The following LMF1 variants were observed in gnomAD, a reference collection of about 807,000 sequenced individuals.
The protein encoded by LMF1 is lipase maturation factor 1.
In LMF1, 68 loss-of-function variants were observed where a neutral mutation model predicts 60.6. The observed-to-expected ratio is 1.12, with a 90% CI of 0.92 to 1.37. LMF1 has a LOEUF of 1.37. LMF1 is among the 40% of genes most tolerant of loss of function. The pLI, the probability that LMF1 is intolerant of heterozygous loss-of-function variation, is 0.00. For missense variants in LMF1, 948 were observed against 767.2 expected (o/e 1.24, Z -2.78); for synonymous variants, 418 against 324.7 (o/e 1.29, Z -3.09).
At chr16:885,710 G>C (rs1390730862) in intron 5 of LMF1, among the ~76,000 whole-genome samples, 2 of 152,204 alleles carry the variant, frequency 1.3e-5, no homozygotes, top group Non-Finnish European at 2.9e-5. Flanking sequence ...TGATAATAGA[G>C]CTTCAAAAGA....
chr16:880,254 G>T (rs1364317428), intron 5 of LMF1, among the ~76,000 whole-genome samples: 1 of 152,138 alleles, frequency 6.6e-6, no homozygotes, highest in Non-Finnish European at 1.5e-5. Context: ...GGCTCTAAGC[G>T]CAAGACCTGG....
intron 3 of LMF1, among the ~76,000 whole-genome samples, chr16:914,811 C>G (rs2071235121): frequency 1.3e-5 from 2 of 151,022 alleles, no homozygotes; most frequent in African/African-American, 4.9e-5. Context: ...CCCTCCCTCC[C>G]TTCCCATGAC....
Position 976,391 on chromosome 16 carries a change from C to T in LMF1, c.-135+4754G>A, listed in dbSNP as rs12596672. 5 of 454,000 alleles carry T rather than the reference C, an allele frequency of 1.1e-5. No homozygotes were observed. The East Asian group carries it at 2.1e-4, about 19-fold the overall frequency. The allele number at this position is 454,000 out of a possible 1,614,324, so 28.1% of individuals were successfully genotyped here. A position where few individuals can be genotyped will look rare whatever the true frequency, so the allele number is the denominator to read the frequency against. On this transcript the variant is annotated intron_variant, in intron 1 of 6. Coordinates refer to the LMF1 transcript ENST00000570014. ...TCAGACAGCACCCTCCTGTACACGG[C>T]ACAGCTGTACTGCAGGGTTAGGGAC...
chr16:936,648 C>T (rs2071956327), intron 2 of LMF1, among the ~76,000 whole-genome samples: 1 of 152,186 alleles, frequency 6.6e-6, no homozygotes, highest in Non-Finnish European at 1.5e-5. Flanking sequence ...GGATACACTC[C>T]CTGCCCCCCT....
chr16:870,163 C>T (rs923033077), intron 8 of LMF1, 97 bp from the exon 9 acceptor site: 1 of 1,384,834 alleles, frequency 7.2e-7, no homozygotes, highest in Non-Finnish European at 9.8e-7. Context: ...TCCATCCTGG[C>T]CCAGGGGGAG....
At chr16:918,739 T>A (rs956508903) in intron 3 of LMF1, among the ~76,000 whole-genome samples, 5 of 136,832 alleles carry the variant, frequency 3.7e-5, no homozygotes, top group Non-Finnish European at 8.4e-5. Flanking sequence ...AAGCACATTT[T>A]AAATCACATT....
At position 954,487 on chromosome 16, in the gene LMF1, T is replaced by G. The variant is rs1323912190; in HGVS notation, c.373A>C (p.Asn125His). Reference sequence around the variant, plus strand: ...CCGAGAAGAGCCAGCAAGTCCAGGTTGGAGTTCATGTCTGACCAGTCCATC... The same window carrying G: ...CCGAGAAGAGCCAGCAAGTCCAGGTGGGAGTTCATGTCTGACCAGTCCATC... ...WLMDWSDMNS[N>H]LDLLALLGLG... The change falls in exon 2 of 11, where the codon AAC becomes CAC. Residue 125 changes from asparagine to histidine, a missense_variant. Asn to His is a moderately conservative substitution (Grantham distance 68). Transcript: ENST00000262301. The G allele has an allele frequency of 3.1e-6, 5 of 1,612,754 alleles. No homozygotes were observed. The highest frequency in any genetic ancestry group is 3.3e-5 in the Admixed American group (2 of 59,826).
rs371517269 is a variant in LMF1 at position 883,136 on chromosome 16, G to A, written c.730-3399C>T. Among the ~76,000 whole-genome samples the A allele has an allele frequency of 6.6e-5, 10 of 151,014 alleles. 1 individual carries two copies. In the East Asian group the frequency reaches 1.2e-3, roughly 18 times the overall value. ...CCAGCGGAGCCCATTGCAGGACCAGGAGAAAGAGGAGCTGCTCAGCAGAGC... is the reference window on the plus strand; with the variant it reads ...CCAGCGGAGCCCATTGCAGGACCAGAAGAAAGAGGAGCTGCTCAGCAGAGC... On this transcript the variant is annotated intron_variant, in intron 5 of 10. Transcript: ENST00000262301.
At chr16:926,276 T>C (rs1165492406) in intron 3 of LMF1, among the ~76,000 whole-genome samples, 1 of 152,052 alleles carries the variant, frequency 6.6e-6, no homozygotes, top group African/African-American at 2.4e-5. Flanking sequence ...ATGCACCTGT[T>C]TGCATATGAT....
chr16:892,621 G>C (rs1248967725), intron 5 of LMF1, among the ~76,000 whole-genome samples: 1 of 152,254 alleles, frequency 6.6e-6, no homozygotes, highest in East Asian at 1.9e-4. Context: ...CCACAGTTCC[G>C]TGTGGCAGGG....
intron 2 of LMF1, among the ~76,000 whole-genome samples, chr16:944,521 C>A (rs532211844): frequency 3.3e-5 from 5 of 152,186 alleles, no homozygotes; most frequent in Non-Finnish European, 7.3e-5. Context: ...GGCAGAAGGC[C>A]GGGGCCACCA....
At chr16:871,382 G>T in intron 6 of LMF1, 41 bp from the exon 7 acceptor site, 1 of 1,599,948 alleles carries the variant, frequency 6.3e-7, no homozygotes, top group Non-Finnish European at 8.5e-7. Flanking sequence ...AGGGGCTCGT[G>T]TGGGGCCCCT....
intron 1 of LMF1, among the ~76,000 whole-genome samples, chr16:963,368 T>C (rs1179187594): frequency 3.9e-5 from 6 of 151,980 alleles, no homozygotes; most frequent in Non-Finnish European, 7.4e-5. Context: ...TGTGTGCATA[T>C]GGGTATGACA....
At chr16:914,180 G>A (rs984807569) in intron 3 of LMF1, among the ~76,000 whole-genome samples, 3 of 151,896 alleles carry the variant, frequency 2.0e-5, no homozygotes, top group African/African-American at 4.8e-5. Context: ...CTCCTAGGAG[G>A]GGAGATAACA....
intron 10 of LMF1, 41 bp from the exon 11 acceptor site, chr16:854,747 C>A: frequency 6.5e-6 from 10 of 1,529,430 alleles, no homozygotes; most frequent in Non-Finnish European, 8.8e-6. Flanking sequence ...TGCTGGGACT[C>A]CCGGCCCCCG....
rs779575472 is a variant in LMF1, at chr16:934,198, C to G, written c.514+46G>C. On this transcript the variant is annotated intron_variant, in intron 3 of 10. Transcript: ENST00000262301. The stretch of plus-strand genomic sequence containing the variant: ...TGCGTGAAGATACATACCAAACACA[C>G]AACGCTCAACTCTCGCAGAGCTTTC... The G allele has an allele frequency of 9.4e-6, 15 of 1,599,140 alleles. No homozygotes were observed. The African/African-American group carries it at 1.3e-4, about 14-fold the overall frequency.
At chr16:940,534 T>C (rs2072073948) in intron 2 of LMF1, among the ~76,000 whole-genome samples, 1 of 152,172 alleles carries the variant, frequency 6.6e-6, no homozygotes, top group Non-Finnish European at 1.5e-5. Context: ...TTTAAAGGAA[T>C]GCATAACTTT....
intron 2 of LMF1, among the ~76,000 whole-genome samples, chr16:937,064 G>C (rs991010879): frequency 6.6e-6 from 1 of 152,200 alleles, no homozygotes; most frequent in African/African-American, 2.4e-5. Context: ...GTTGTGCAGA[G>C]AAGGGGTGAG....
At chr16:934,095 C>T in intron 3 of LMF1, 149 bp downstream of exon 3, 3 of 1,534,770 alleles carry the variant, frequency 2.0e-6, no homozygotes, top group Non-Finnish European at 2.6e-6. Flanking sequence ...GATCAGATCA[C>T]AAGCGCCCAT....
Sources: gnomAD v4.1 joint callset for allele counts (sites outside exome capture counted in the v4.1 genomes callset) on GRCh38, gnomAD v4.1.1 for gene constraint, MANE v1.5 for transcripts, NCBI Gene and HGNC (gene_info 2026-07-23, HGNC 2026-07-21) for gene names.